The following TPP2 variants were observed in gnomAD, a reference collection of about 807,000 sequenced individuals.
TPP2 encodes the protein tripeptidyl-peptidase 2.
A neutral mutation model predicts 155.9 loss-of-function variants in TPP2; 34 were observed. The observed-to-expected ratio is 0.22, with a 90% CI of 0.17 to 0.29. The LOEUF (loss-of-function observed/expected upper bound fraction) is 0.29, where lower values mean the gene tolerates loss of function less well. Among genes scored for constraint, TPP2 ranks in the 10% least tolerant of loss-of-function variants. The pLI, the probability that TPP2 is intolerant of heterozygous loss-of-function variation, is 1.00. For synonymous variants in TPP2, 510 were observed against 529.4 expected (o/e 0.96, Z 0.50); for missense variants, 1,028 against 1,522.3 (o/e 0.68, Z 5.40).
intron 6 of TPP2, among the ~76,000 whole-genome samples, 193 bp downstream of exon 6, chr13:102,623,233 C>A (rs778199696): frequency 6.6e-6 from 1 of 152,134 alleles, no homozygotes; most frequent in Non-Finnish European, 1.5e-5. Flanking sequence ...ATGTGGGATC[C>A]AGTCCAAGAA....
intron 24 of TPP2, among the ~76,000 whole-genome samples, chr13:102,652,493 G>A (rs1167376258): frequency 9.8e-5 from 12 of 122,652 alleles, no homozygotes; most frequent in East Asian, 2.4e-4. Flanking sequence ...TGGTGAAGAC[G>A]TGCTACGTCA....
In TPP2 at chr13:102,642,976, G is replaced by A. The variant is rs528074358; in HGVS notation, c.2021-246G>A. Among the ~76,000 whole-genome samples, 4 of 152,264 alleles carry A rather than the reference G, an allele frequency of 2.6e-5. No homozygotes were observed. The East Asian group carries it at 7.7e-4, about 29-fold the overall frequency. On this transcript the variant is annotated intron_variant, in intron 16 of 29. Transcript: ENST00000376052. ...GTTTCCAGGTGTTTGCAGCCTCATG[G>A]TGGTGGTTCATTTTAATACCAGTTT...
chr13:102,614,236 A>G (rs370251267), intron 3 of TPP2, 40 bp downstream of exon 3: 7 of 1,455,174 alleles, frequency 4.8e-6, no homozygotes, highest in Non-Finnish European at 6.6e-6. Flanking sequence ...TATTCTTCTG[A>G]CTTGTCTTCT....
intron 16 of TPP2, among the ~76,000 whole-genome samples, chr13:102,641,004 C>A (rs1343910636): frequency 1.3e-5 from 2 of 152,120 alleles, no homozygotes; most frequent in Non-Finnish European, 2.9e-5. Context: ...GCTTAAACCT[C>A]AAACTGTTAA....
intron 2 of TPP2, among the ~76,000 whole-genome samples, chr13:102,612,680 C>G (rs1017741278): frequency 6.6e-6 from 1 of 152,076 alleles, no homozygotes; most frequent in African/African-American, 2.4e-5. Flanking sequence ...AGTCTGCCTT[C>G]GTGGTAAGGA....
intron 25 of TPP2, among the ~76,000 whole-genome samples, chr13:102,659,371 A>T (rs140392856): frequency 6.6e-6 from 1 of 152,200 alleles, no homozygotes; most frequent in Non-Finnish European, 1.5e-5. Context: ...AGGGAACTCA[A>T]TGAACTCAAA....
chr13:102,609,146 A>G lies in TPP2; in HGVS notation c.294+4225A>G, dbSNP rs111412707. ...AGGGGCCTGGAGTGATGTCATGCAG[A>G]CTCATTTTTATGTCTCATCCTTTTT... On this transcript the variant is annotated intron_variant, in intron 2 of 29. Coordinates refer to ENST00000376052, the MANE Select transcript of TPP2 (RefSeq NM_001330588.2). Among the ~76,000 whole-genome samples the G allele has an allele frequency of 3.2e-3, 483 of 152,152 alleles. 3 individuals carry two copies. The highest frequency in any genetic ancestry group is 0.011 in the African/African-American group (457 of 41,492).
intron 26 of TPP2, among the ~76,000 whole-genome samples, chr13:102,664,450 A>G (rs1008676436): frequency 1.3e-5 from 2 of 152,164 alleles, no homozygotes; most frequent in African/African-American, 4.8e-5. Context: ...ACAATAGCCA[A>G]TCACATTTCT....
chr13:102,620,101 C>G (rs1247202983), intron 5 of TPP2, among the ~76,000 whole-genome samples: 1 of 152,210 alleles, frequency 6.6e-6, no homozygotes, highest in Non-Finnish European at 1.5e-5. Context: ...AGTGTTTGCT[C>G]TAGGTTCTGA....
chr13:102,673,348 T>A (rs1885098522), intron 27 of TPP2, among the ~76,000 whole-genome samples: 1 of 152,222 alleles, frequency 6.6e-6, no homozygotes, highest in Non-Finnish European at 1.5e-5. Context: ...TAGCTGTTAG[T>A]TTGTTCCACA....
At chr13:102,672,198 T>G in intron 27 of TPP2, among the ~76,000 whole-genome samples, 1 of 152,170 alleles carries the variant, frequency 6.6e-6, no homozygotes, top group South Asian at 2.1e-4. Context: ...CTGCCGGCAC[T>G]AGGGGCCGAA....
Position 102,643,242 on chromosome 13 carries a change from T to A in TPP2, c.2041T>A (p.Ser681Thr), listed in dbSNP as rs1343847387. ...TWAEVTVCSCSSEVSAKFVLH... is the reference protein window; with the variant it reads ...TWAEVTVCSCTSEVSAKFVLH... ...TTTAGAAGTGACAGTGTGTTCGTGT[T>A]CTTCTGAGGTGTCAGCAAAGTTTGT... is the stretch of plus-strand genomic sequence containing the variant. Residue 681 changes from serine to threonine, a missense_variant, in exon 17 of 30, where the codon TCT becomes ACT. Around this residue, in one of 7 missense-constraint regions of TPP2, gnomAD observed 325 missense variants for 463.7 expected, o/e 0.70. Transcript: ENST00000376052. 6.2e-7 allele frequency: 1 copy of A among 1,603,762 alleles called. No homozygotes were observed. The highest frequency in any genetic ancestry group is 2.2e-5 in the East Asian group (1 of 44,494).
At chr13:102,628,696 C>G (rs1881814187) in intron 8 of TPP2, among the ~76,000 whole-genome samples, 2 of 152,188 alleles carry the variant, frequency 1.3e-5, no homozygotes, top group South Asian at 4.1e-4. Flanking sequence ...CTCCCCCATT[C>G]CCATCACCAA....
chr13:102,676,480 A>G (rs1165454983), intron 29 of TPP2, 65 bp downstream of exon 29: 2 of 1,571,022 alleles, frequency 1.3e-6, no homozygotes, highest in African/African-American at 2.7e-5. Context: ...CAAGATAACT[A>G]GAAAGGATTA....
intron 29 of TPP2, among the ~76,000 whole-genome samples, chr13:102,677,767 A>C (rs1244942257): frequency 1.3e-5 from 2 of 152,158 alleles, no homozygotes; most frequent in Non-Finnish European, 2.9e-5. Flanking sequence ...TCTACTGTAC[A>C]CCTGATAAAT....
At chr13:102,649,244 TGTA>T in intron 22 of TPP2, 93 bp downstream of exon 22, 1 of 1,499,742 alleles carries the variant, frequency 6.7e-7, no homozygotes, top group Non-Finnish European at 8.9e-7. Context: ...ATTTAGAGGA[TGTA>T]GTCATTTTTT....
At chr13:102,669,967 A>G (rs1416526566) in intron 27 of TPP2, among the ~76,000 whole-genome samples, 3 of 152,164 alleles carry the variant, frequency 2.0e-5, no homozygotes, top group Non-Finnish European at 4.4e-5. Flanking sequence ...CAATAAATAA[A>G]CAGAGTAAGC....
chr13:102,650,304 C>T (rs577002871), intron 23 of TPP2, among the ~76,000 whole-genome samples: 1 of 152,254 alleles, frequency 6.6e-6, no homozygotes, highest in Admixed American at 6.5e-5. Flanking sequence ...AAGCCTGCTA[C>T]ATAAATGCTG....
At chr13:102,631,971 G>A (rs1020797189) in intron 10 of TPP2, among the ~76,000 whole-genome samples, 14 of 152,260 alleles carry the variant, frequency 9.2e-5, no homozygotes, top group African/African-American at 2.6e-4. Flanking sequence ...TGTCTGGGCC[G>A]GGTGCAGTGG....
Sources: gnomAD v4.1 joint callset for allele counts (sites outside exome capture counted in the v4.1 genomes callset) on GRCh38, gnomAD v4.1.1 for gene constraint, gnomAD v4.1.1 regional missense constraint, MANE v1.5 for transcripts, NCBI Gene and HGNC (gene_info 2026-07-23, HGNC 2026-07-21) for gene names.